The following DRD3 variants were observed in gnomAD, a reference collection of about 807,000 sequenced individuals.
DRD3 encodes the protein D(3) dopamine receptor.
A neutral mutation model predicts 36.3 loss-of-function variants in DRD3; 19 were observed. That is an observed-to-expected ratio of 0.52 (90% CI 0.36 to 0.77). DRD3 has a LOEUF of 0.77. Among genes scored for constraint, DRD3 ranks in the 30% least tolerant of loss-of-function variants. The probability of loss-of-function intolerance (pLI) is 0.00; values close to 1 mark genes in which losing one functional copy is unlikely to be tolerated. For synonymous variants in DRD3, 195 were observed against 203.7 expected, an observed-to-expected ratio of 0.96 and a Z score of 0.36; for missense variants, 465 against 505.3, an observed-to-expected ratio of 0.92 and a Z score of 0.77.
rs60160745 is a variant in DRD3, at chr3:114,137,128, G to A, written c.723+2372C>T. On this transcript the variant is annotated intron_variant, in intron 5 of 6. Coordinates refer to ENST00000383673, the MANE Select transcript of DRD3 (RefSeq NM_000796.6). ...CAGATCTTGTCTTATAGATATATGT[G>A]TGGGAATCAGGGTAAGGTTTCATTC... Among the ~76,000 whole-genome samples the A allele has an allele frequency of 4.8e-3, 736 of 152,336 alleles. 8 individuals are homozygous for A. Among genetic ancestry groups the A allele is most frequent in the African/African-American group, 0.017 (704 of 41,566 alleles).
chr3:114,139,586 C>G lies in DRD3; in HGVS notation c.637G>C (p.Val213Leu). ...VTVLVYARIY[V>L]VLKQRRRKRI... Reference sequence around the variant, plus strand: ...TTCCGTCTCCTTTGTTTCAGCACCACATAGATTCTGGCATAGACAAGGACA... The same window carrying G: ...TTCCGTCTCCTTTGTTTCAGCACCAGATAGATTCTGGCATAGACAAGGACA... Residue 213 changes from valine to leucine, a missense_variant, in exon 5 of 7, where the codon GTG (valine) becomes CTG (leucine). Physicochemically the swap from Val to Leu is conservative, Grantham distance 32 (BLOSUM62 1). Transcript: ENST00000383673. 1 of 1,614,128 alleles carries G rather than the reference C, an allele frequency of 6.2e-7. No homozygotes were observed. The highest frequency in any genetic ancestry group is 1.6e-4 in the Middle Eastern group (1 of 6,062).
chr3:114,155,779 G>C (rs892047209), intron 3 of DRD3, among the ~76,000 whole-genome samples: 17 of 152,016 alleles, frequency 1.1e-4, no homozygotes, highest in Admixed American at 1.1e-3. Flanking sequence ...GGAGGCTCAG[G>C]AACTACGAGG....
intron 5 of DRD3, among the ~76,000 whole-genome samples, chr3:114,136,802 G>A (rs1411819968): frequency 1.3e-5 from 2 of 152,210 alleles, no homozygotes; most frequent in Non-Finnish European, 2.9e-5. Context: ...CTAGCTGGGC[G>A]AGGCAGGCCT....
chr3:114,195,742 T>C (rs1253493484), intron 1 of DRD3, among the ~76,000 whole-genome samples: 4 of 152,180 alleles, frequency 2.6e-5, no homozygotes, highest in Non-Finnish European at 2.9e-5. Context: ...ATATAAAGCA[T>C]TTATATTTAT....
intron 3 of DRD3, among the ~76,000 whole-genome samples, chr3:114,157,972 C>T (rs2077697762): frequency 6.6e-6 from 1 of 152,070 alleles, no homozygotes; most frequent in Non-Finnish European, 1.5e-5. Context: ...TGTGGTGGCT[C>T]ATGCCTGTAA....
chr3:114,173,833 T>C (rs538523140), intron 1 of DRD3, among the ~76,000 whole-genome samples: 3 of 152,310 alleles, frequency 2.0e-5, no homozygotes, highest in African/African-American at 7.2e-5. Context: ...TTATGGGAAC[T>C]CTCTCTTCAG....
Position 114,128,783 on chromosome 3 carries a change from T to C in DRD3, c.1136A>G (p.Asn379Ser). 1.2e-6 allele frequency: 2 copies of C among 1,613,642 alleles called. No individual in the cohort carries two copies. Among genetic ancestry groups the C allele is most frequent in the African/African-American group, 1.3e-5 (1 of 74,930 alleles). ...TWLGYVNSAL[N>S]PVIYTTFNIE... ...ATTGAAGGTGGTATAGATCACAGGG[T>C]TGAGGGCGCTATTCACGTAGCCCAG... Residue 379 changes from asparagine (N) to serine (S), a missense_variant, in exon 7 of 7, where the codon AAC becomes AGC. Transcript: ENST00000383673.
chr3:114,181,463 T>C (rs1387099854), upstream of DRD3, among the ~76,000 whole-genome samples: 2 of 152,194 alleles, frequency 1.3e-5, no homozygotes, highest in Admixed American at 1.3e-4. Context: ...CAACAAACAA[T>C]TTTATTCTTT....
chr3:114,130,181 C>T (rs2077416491), intron 6 of DRD3, among the ~76,000 whole-genome samples: 1 of 152,096 alleles, frequency 6.6e-6, no homozygotes, highest in African/African-American at 2.4e-5. Flanking sequence ...ATTGCTTGAG[C>T]CCAGGAGTTC....
At chr3:114,183,827 T>C (rs2077960740), upstream of DRD3, among the ~76,000 whole-genome samples, 1 of 152,234 alleles carries the variant, frequency 6.6e-6, no homozygotes, top group African/African-American at 2.4e-5. Context: ...TCTTTTTCTC[T>C]TTTTTATTAT....
intron 3 of DRD3, among the ~76,000 whole-genome samples, chr3:114,156,835 C>T (rs1228839889): frequency 1.5e-5 from 2 of 136,430 alleles, no homozygotes; most frequent in Admixed American, 7.6e-5. Flanking sequence ...TTCTTTCTTT[C>T]CTTTCTTTCT....
chr3:114,134,537 A>C (rs1162950606), intron 5 of DRD3, among the ~76,000 whole-genome samples: 2 of 151,986 alleles, frequency 1.3e-5, no homozygotes, highest in Non-Finnish European at 2.9e-5. Flanking sequence ...TTCCTGCCTC[A>C]GACTCCTGAG....
chr3:114,190,775 C>T (rs2078007067), intron 1 of DRD3, among the ~76,000 whole-genome samples: 1 of 151,820 alleles, frequency 6.6e-6, no homozygotes, highest in African/African-American at 2.4e-5. Flanking sequence ...TGCACATCTG[C>T]CTAAGTTAAG....
intron 2 of DRD3, among the ~76,000 whole-genome samples, chr3:114,164,514 C>G (rs946086945): frequency 2.5e-4 from 38 of 151,952 alleles, no homozygotes; most frequent in African/African-American, 3.9e-4. Flanking sequence ...GCAGCATTTC[C>G]CAAATCTCCA....
chr3:114,132,147 G>T (rs1020822435), intron 5 of DRD3, among the ~76,000 whole-genome samples: 12 of 152,104 alleles, frequency 7.9e-5, no homozygotes, highest in African/African-American at 2.9e-4. Context: ...CAAAGACTTG[G>T]AACCAAGTGA....
chr3:114,176,076 T>C (rs2077895933), intron 1 of DRD3: 2 of 152,226 alleles, frequency 1.3e-5, no homozygotes, highest in South Asian at 4.1e-4. Context: ...ATGACATTTG[T>C]CCTGCTTTGC....
chr3:114,177,159 T>G (rs1184892389), intron 1 of DRD3, among the ~76,000 whole-genome samples: 1 of 152,202 alleles, frequency 6.6e-6, no homozygotes, highest in African/African-American at 2.4e-5. Flanking sequence ...CTGACTAGGC[T>G]TGGTGAAGTA....
intron 3 of DRD3, among the ~76,000 whole-genome samples, chr3:114,154,921 G>C (rs940059259): frequency 6.6e-6 from 1 of 152,208 alleles, no homozygotes; most frequent in Non-Finnish European, 1.5e-5. Context: ...AGGAGTGGGG[G>C]CTTGTGCTCC....
intron 2 of DRD3, among the ~76,000 whole-genome samples, chr3:114,161,483 C>CT (rs939537054): frequency 2.6e-5 from 4 of 152,092 alleles, no homozygotes; most frequent in South Asian, 2.1e-4. Context: ...GGATTTATTT[C>CT]TTTTTTTGCA....
Sources: gnomAD v4.1 joint callset for allele counts (sites outside exome capture counted in the v4.1 genomes callset) on GRCh38, gnomAD v4.1.1 for gene constraint, MANE v1.5 for transcripts, NCBI Gene and HGNC (gene_info 2026-07-23, HGNC 2026-07-21) for gene names.